Variants in KDELR3 observed in about 807,000 individuals in gnomAD.
KDELR3 encodes the protein KDEL endoplasmic reticulum protein retention receptor 3.
A neutral mutation model predicts 22.7 loss-of-function variants in KDELR3; 26 were observed. The ratio of observed to expected loss-of-function variants is 1.15; its 90% confidence interval spans 0.84 to 1.59. The LOEUF is 1.59. Among genes scored for constraint, KDELR3 ranks in the 40% most tolerant of loss-of-function variants. The pLI is 0.00. For missense variants in KDELR3, 289 were observed against 251.1 expected (o/e 1.15, Z -1.02); for synonymous variants, 120 against 98.2 (o/e 1.22, Z -1.31).
At chr22:38,481,588 A>C in intron 4 of KDELR3, 124 bp downstream of exon 4, 3 of 1,532,466 alleles carry the variant, frequency 2.0e-6, no homozygotes, top group South Asian at 1.3e-5. Context: ...CTTGTGTTCT[A>C]ATGCAAGAAG....
intron 1 of KDELR3, among the ~76,000 whole-genome samples, chr22:38,469,859 C>G (rs547851982): frequency 6.6e-6 from 1 of 152,258 alleles, no homozygotes; most frequent in East Asian, 1.9e-4. Context: ...TCGCTTTGTC[C>G]CTGAAGCTGA....
chr22:38,473,397 C>T (rs1386151705), intron 1 of KDELR3, among the ~76,000 whole-genome samples: 1 of 152,126 alleles, frequency 6.6e-6, no homozygotes, highest in Non-Finnish European at 1.5e-5. Context: ...GCTATGATTG[C>T]ACCACTGCAC....
chr22:38,482,463 G>T, intron 4 of KDELR3, 33 bp from the exon 5 acceptor site: 1 of 1,573,470 alleles, frequency 6.4e-7, no homozygotes, highest in African/African-American at 1.3e-5. Flanking sequence ...TCATCAGATG[G>T]TAAATTCTTA....
At position 38,475,413 on chromosome 22, in the gene KDELR3, G is replaced by A. The variant is rs148010818; in HGVS notation, c.192+790G>A. ...CAATCACCTGATCTTGGTAGATCAA[G>A]GCTGCAGTGAGCCATGATCATGCCA... On this transcript the variant is annotated intron_variant, in intron 2 of 4. Transcript: ENST00000216014. Among the ~76,000 whole-genome samples the A allele has an allele frequency of 5.4e-3, 825 of 152,206 alleles. 17 individuals carry two copies. Among genetic ancestry groups the A allele is most frequent in the African/African-American group, 0.019 (795 of 41,516 alleles).
chr22:38,475,901 T>C (rs1171979844), intron 2 of KDELR3, among the ~76,000 whole-genome samples: 10 of 152,214 alleles, frequency 6.6e-5, no homozygotes, highest in Non-Finnish European at 1.5e-4. Flanking sequence ...CCCAAAGTGC[T>C]GGGATTATGG....
At chr22:38,480,333 G>A (rs2089590641) in intron 3 of KDELR3, among the ~76,000 whole-genome samples, 2 of 151,714 alleles carry the variant, frequency 1.3e-5, no homozygotes, top group Non-Finnish European at 2.9e-5. Context: ...TAGTTGAGAC[G>A]GGGTTTCACC....
intron 1 of KDELR3, 73 bp downstream of exon 1, chr22:38,468,397 G>A (rs886663695): frequency 7.5e-5 from 103 of 1,381,036 alleles, no homozygotes; most frequent in Middle Eastern, 1.8e-4. Flanking sequence ...GCAGGGCAGG[G>A]CGCTCCAGGT....
intron 1 of KDELR3, among the ~76,000 whole-genome samples, chr22:38,470,287 C>T (rs2089517195): frequency 6.6e-6 from 1 of 151,888 alleles, no homozygotes; most frequent in Non-Finnish European, 1.5e-5. Flanking sequence ...TCACACTCAG[C>T]TAATTTTTGT....
chr22:38,480,672 GA>G (rs1445036626), intron 3 of KDELR3, among the ~76,000 whole-genome samples: 1 of 151,956 alleles, frequency 6.6e-6, no homozygotes, highest in African/African-American at 2.4e-5. Flanking sequence ...AGAATGGAGT[GA>G]ACCCAGGAGG....
At position 38,476,760 on chromosome 22, in the gene KDELR3, G is replaced by A. The variant is rs552985497; in HGVS notation, c.192+2137G>A. Among the ~76,000 whole-genome samples, 293 of 151,620 alleles carry A rather than the reference G, an allele frequency of 1.9e-3. 1 individual carries two copies. The highest frequency in any genetic ancestry group is 6.9e-3 in the Middle Eastern group (2 of 290). On this transcript the variant is annotated intron_variant, in intron 2 of 4. Coordinates refer to ENST00000216014, the MANE Select transcript of KDELR3 (RefSeq NM_006855.4). Reference sequence around the variant, plus strand: ...AGGCTGGTCTCAAACTCCTGACCTCGTGATCTGCCCACCTTGGCCCCCCAA... The same window carrying A: ...AGGCTGGTCTCAAACTCCTGACCTCATGATCTGCCCACCTTGGCCCCCCAA...
At position 38,469,519 on chromosome 22, in the gene KDELR3, G is replaced by A. The variant is rs538041059; in HGVS notation, c.91+1195G>A. Among the ~76,000 whole-genome samples the A allele has an allele frequency of 1.5e-4, 23 of 152,316 alleles. No homozygotes were observed. In the South Asian group the frequency reaches 4.1e-3, roughly 27 times the overall value. On this transcript the variant is annotated intron_variant, in intron 1 of 4. Coordinates refer to ENST00000216014, the MANE Select transcript of KDELR3 (RefSeq NM_006855.4). ...TACGGTGTGGAGGGAGTGGTTCTAG[G>A]CCTGGAGGCCATTTGGGTTTGGGGT...
At chr22:38,480,830 G>A (rs763449379) in intron 3 of KDELR3, among the ~76,000 whole-genome samples, 22 of 151,836 alleles carry the variant, frequency 1.4e-4, no homozygotes, top group Non-Finnish European at 3.1e-4. Context: ...ACTAAGGAAG[G>A]TGAGATGGAA....
intron 3 of KDELR3, 26 bp from the exon 4 acceptor site, chr22:38,481,186 C>T (rs763604969): frequency 3.1e-6 from 5 of 1,599,212 alleles, no homozygotes; most frequent in East Asian, 4.5e-5. Flanking sequence ...CTTGCTCAGT[C>T]TCTGGTTGCT....
rs754792139 is a variant in KDELR3 at position 38,468,335 on chromosome 22, C to A, written c.91+11C>A. 7 of 1,612,734 alleles carry A rather than the reference C, an allele frequency of 4.3e-6. No homozygotes were observed. The highest frequency in any genetic ancestry group is 5.9e-6 in the Non-Finnish European group (7 of 1,179,250). On this transcript the variant is annotated intron_variant, in intron 1 of 4. Coordinates refer to ENST00000216014, the MANE Select transcript of KDELR3 (RefSeq NM_006855.4). ...CCAAGTGCTGCAAGGGTGAGGGGCGCCTGGCAGGGAGGTGCGGGACCCCCT... is the reference window on the plus strand; with the variant it reads ...CCAAGTGCTGCAAGGGTGAGGGGCGACTGGCAGGGAGGTGCGGGACCCCCT...
At chr22:38,474,785 G>A (rs945796019) in intron 2 of KDELR3, among the ~76,000 whole-genome samples, 162 bp downstream of exon 2, 1 of 152,042 alleles carries the variant, frequency 6.6e-6, no homozygotes, top group Non-Finnish European at 1.5e-5. Context: ...CTCTTTGTAT[G>A]TCAGTGTCCT....
At position 38,482,790 on chromosome 22, in the gene KDELR3, T is replaced by C. The variant is rs1242493098; in HGVS notation, c.*254T>C. 2.4e-5 allele frequency: 12 copies of C among 501,532 alleles called. No homozygotes were observed. In the East Asian group the frequency reaches 3.8e-4, roughly 16 times the overall value. The allele number at this position is 501,532 out of a possible 1,614,324, so 31.1% of individuals were successfully genotyped here. A position where few individuals can be genotyped will look rare whatever the true frequency, so the allele number is the denominator to read the frequency against. ...TGGTGCCTCACTGCAACAAGAAACC[T>C]TAAGGTGTCTTACCGACGAAATAAA... On this transcript the variant is annotated 3_prime_UTR_variant, in exon 5 of 5. Coordinates refer to ENST00000216014, the MANE Select transcript of KDELR3 (RefSeq NM_006855.4).
intron 4 of KDELR3, among the ~76,000 whole-genome samples, chr22:38,482,271 T>C (rs1015424580): frequency 5.5e-4 from 84 of 152,042 alleles, no homozygotes; most frequent in African/African-American, 1.9e-3. Flanking sequence ...CAATAGACAA[T>C]TTGAGGCCAA....
Position 38,482,905 on chromosome 22 carries a change from A to C in KDELR3, c.*369A>C. 4.4e-6 allele frequency: 1 copy of C among 227,780 alleles called. No individual in the cohort carries two copies. Among genetic ancestry groups the C allele is most frequent in the Non-Finnish European group, 8.5e-6 (1 of 117,106 alleles). 14.1% of individuals were successfully genotyped at this position (227,780 alleles called of 1,614,324 possible). Reference sequence around the variant, plus strand: ...CTGGAACAATGTCCCTCCTCTTAGAATGTCCCAACTAAAGACCAGTTAAAA... The same window carrying C: ...CTGGAACAATGTCCCTCCTCTTAGACTGTCCCAACTAAAGACCAGTTAAAA... On this transcript the variant is annotated 3_prime_UTR_variant, in exon 5 of 5. Transcript: ENST00000216014.
rs777221809 is a variant in KDELR3 at position 38,481,316 on chromosome 22, GTTCT to G, written c.461_464del (p.Phe154TrpfsTer31). ...CTGAGACCATAACTACTCACTACCT[GTTCT>G]TTCTGGGTCTGTACCGGGCACTCTA... On this transcript the variant is annotated frameshift_variant, in exon 4 of 5. Coordinates refer to ENST00000216014, the MANE Select transcript of KDELR3 (RefSeq NM_006855.4). LOFTEE classifies it high-confidence loss of function. 6.2e-7 allele frequency: 1 copy of G among 1,614,186 alleles called. No individual in the cohort carries two copies. Among genetic ancestry groups the G allele is most frequent in the South Asian group, 1.1e-5 (1 of 91,088 alleles).
Sources: gnomAD v4.1 joint callset for allele counts (sites outside exome capture counted in the v4.1 genomes callset) on GRCh38, gnomAD v4.1.1 for gene constraint, MANE v1.5 for transcripts, NCBI Gene and HGNC (gene_info 2026-07-23, HGNC 2026-07-21) for gene names.